Variants in WDFY4 observed in about 807,000 individuals in gnomAD.
The protein encoded by WDFY4 is WDFY family member 4, also known as WD repeat- and FYVE domain-containing protein 4.
A neutral mutation model predicts 351.9 loss-of-function variants in WDFY4; 169 were observed. The ratio of observed to expected loss-of-function variants is 0.48; its 90% CI spans 0.42 to 0.55. The LOEUF is 0.55. WDFY4 is among the 20% of genes least tolerant of loss of function. The pLI, the probability that WDFY4 is intolerant of heterozygous loss-of-function variation, is 0.00. For synonymous variants in WDFY4, 1,622 were observed against 1,574.6 expected, an observed-to-expected ratio of 1.03 and a Z score of -0.71; for missense variants, 3,803 against 3,935.6, an observed-to-expected ratio of 0.97 and a Z score of 0.90.
At chr10:48,923,179 C>T (rs1171446059) in intron 47 of WDFY4, among the ~76,000 whole-genome samples, 3 of 152,030 alleles carry the variant, frequency 2.0e-5, no homozygotes, top group Non-Finnish European at 4.4e-5. Flanking sequence ...CCAGTTCTGC[C>T]CCTGAAAGGG....
intron 55 of WDFY4, 133 bp from the exon 56 acceptor site, chr10:48,968,931 A>G (rs1842210976): frequency 1.1e-6 from 1 of 880,704 alleles, no homozygotes; most frequent in Non-Finnish European, 1.7e-6. Context: ...CCCAGGGCCC[A>G]GCTGCAGTGG....
Position 48,890,712 on chromosome 10 carries a change from G to A in WDFY4, c.7301G>A (p.Arg2434His), listed in dbSNP as rs776624729. The A allele has an allele frequency of 4.1e-5, 63 of 1,551,524 alleles. No homozygotes were observed. Among genetic ancestry groups the A allele is most frequent in the East Asian group, 7.3e-5 (3 of 40,928 alleles). ...LSPTGDVYCT[R>H]HCLSNISDPF... ...CCCACGGGTGATGTCTACTGTACCC[G>A]TCACTGCTTATCCAAGTGAGTTATC... Residue 2434 changes from arginine to histidine, a missense_variant, in exon 44 of 62, where the codon CGT (arginine) becomes CAT (histidine). By Grantham distance (29) the Arg-to-His change is conservative (BLOSUM62 0). Coordinates refer to ENST00000325239, the MANE Select transcript of WDFY4 (RefSeq NM_001394531.1).
At chr10:48,844,058 C>T (rs573214007) in intron 39 of WDFY4, among the ~76,000 whole-genome samples, 4 of 152,236 alleles carry the variant, frequency 2.6e-5, no homozygotes, top group Admixed American at 6.5e-5. Flanking sequence ...ACAGCCGGGC[C>T]GCCTGGCGCC....
At chr10:48,913,263 G>A in intron 47 of WDFY4, 1 of 869,640 alleles carries the variant, frequency 1.1e-6, no homozygotes, top group Non-Finnish European at 1.8e-6. Flanking sequence ...AAGGAAAGGA[G>A]TTTTATGGGC....
intron 1 of WDFY4, among the ~76,000 whole-genome samples, chr10:48,707,066 A>G (rs982308402): frequency 2.6e-5 from 4 of 152,248 alleles, no homozygotes; most frequent in African/African-American, 9.6e-5. Context: ...GTATACTCTC[A>G]TGAAGCAGCA....
chr10:48,788,996 T>C (rs1589614284), intron 21 of WDFY4, among the ~76,000 whole-genome samples: 2 of 152,244 alleles, frequency 1.3e-5, no homozygotes, highest in African/African-American at 4.8e-5. Flanking sequence ...AATGACCCAC[T>C]AACACTGAGA....
intron 49 of WDFY4, 116 bp from the exon 50 acceptor site, chr10:48,945,924 G>A (rs1389199338): frequency 1.1e-5 from 7 of 651,312 alleles, no homozygotes; most frequent in African/African-American, 1.9e-5. Context: ...ACCACCAGAG[G>A]CAGGTCAGAC....
chr10:48,781,540 C>T lies in WDFY4; in HGVS notation c.3576+1421C>T, dbSNP rs547014291. ...GAAACTCCTGACCTCAGGCGATCCA[C>T]CTGCCTTGCCCTCCCAAAGTGCTGG... On this transcript the variant is annotated intron_variant, in intron 19 of 61. Transcript: ENST00000325239. Among the ~76,000 whole-genome samples the T allele has an allele frequency of 5.3e-5, 8 of 152,294 alleles. No individual in the cohort carries two copies. The South Asian group carries it at 1.7e-3, about 32-fold the overall frequency.
intron 28 of WDFY4, 120 bp from the exon 29 acceptor site, chr10:48,810,410 G>A (rs778364269): frequency 1.9e-5 from 16 of 846,646 alleles, no homozygotes; most frequent in Admixed American, 3.1e-5. Flanking sequence ...TACATAATAA[G>A]TGATGTTAAC....
intron 15 of WDFY4, among the ~76,000 whole-genome samples, chr10:48,776,448 T>C (rs1029647376): frequency 4.0e-5 from 6 of 151,826 alleles, no homozygotes; most frequent in African/African-American, 1.5e-4. Context: ...GTAACTCCAA[T>C]GGGGCAAGCC....
chr10:48,779,529 A>G (rs1390771865), intron 18 of WDFY4, among the ~76,000 whole-genome samples: 1 of 152,174 alleles, frequency 6.6e-6, no homozygotes. Context: ...ACAACTGCCT[A>G]TCCAACTCTC....
At chr10:48,971,058 A>G (rs1414692918) in intron 57 of WDFY4, among the ~76,000 whole-genome samples, 9 of 152,208 alleles carry the variant, frequency 5.9e-5, no homozygotes, top group African/African-American at 1.7e-4. Context: ...ATTTGAATCT[A>G]GGTTTGTCTA....
intron 31 of WDFY4, among the ~76,000 whole-genome samples, chr10:48,814,329 T>G (rs1260904348): frequency 6.6e-6 from 1 of 152,236 alleles, no homozygotes; most frequent in Non-Finnish European, 1.5e-5. Flanking sequence ...GCATGGGATT[T>G]CTTCACTGGA....
At chr10:48,949,359 G>A (rs1340287330) in intron 51 of WDFY4, among the ~76,000 whole-genome samples, 7 of 152,334 alleles carry the variant, frequency 4.6e-5, no homozygotes, top group East Asian at 3.9e-4. Flanking sequence ...TTTAGCTCTC[G>A]AGAGGATGAG....
At chr10:48,961,876 C>T (rs1841875249) in intron 53 of WDFY4, among the ~76,000 whole-genome samples, 1 of 151,902 alleles carries the variant, frequency 6.6e-6, no homozygotes, top group South Asian at 2.1e-4. Flanking sequence ...CTGGAGGTGG[C>T]GATAAGGACT....
chr10:48,724,733 A>G (rs531209457), intron 5 of WDFY4, among the ~76,000 whole-genome samples: 4 of 152,294 alleles, frequency 2.6e-5, no homozygotes, highest in African/African-American at 9.6e-5. Flanking sequence ...TTGCTGCAGC[A>G]AGCATAGGGC....
chr10:48,947,251 A>G (rs1394873340), intron 51 of WDFY4, among the ~76,000 whole-genome samples: 1 of 152,250 alleles, frequency 6.6e-6, no homozygotes, highest in African/African-American at 2.4e-5. Flanking sequence ...TTTAACATAA[A>G]TAAGATTTAG....
chr10:48,886,592 G>C (rs1011909403), intron 43 of WDFY4, among the ~76,000 whole-genome samples: 35 of 152,094 alleles, frequency 2.3e-4, no homozygotes, highest in African/African-American at 8.2e-4. Context: ...TTCCATCATG[G>C]GGTGACCCTC....
chr10:48,977,531 C>T (rs1289617792), intron 59 of WDFY4, among the ~76,000 whole-genome samples: 1 of 152,172 alleles, frequency 6.6e-6, no homozygotes, highest in Non-Finnish European at 1.5e-5. Flanking sequence ...AGGCAGTCCC[C>T]TCATAGGACT....
Sources: gnomAD v4.1 joint callset for allele counts (sites outside exome capture counted in the v4.1 genomes callset) on GRCh38, gnomAD v4.1.1 for gene constraint, MANE v1.5 for transcripts, NCBI Gene and HGNC (gene_info 2026-07-23, HGNC 2026-07-21) for gene names.